ZSWIM6: variants seen among roughly 807,000 people sequenced by gnomAD.
The protein encoded by ZSWIM6 is zinc finger SWIM domain-containing protein 6.
In ZSWIM6, 9 loss-of-function variants were observed where a neutral mutation model predicts 113.2. The ratio of observed to expected loss-of-function variants is 0.08; its 90% CI spans 0.05 to 0.14. The LOEUF (loss-of-function observed/expected upper bound fraction) is 0.14, where lower values mean the gene tolerates loss of function less well. Among genes scored for constraint, ZSWIM6 ranks in the 10% least tolerant of loss-of-function variants. The probability of loss-of-function intolerance (pLI) is 1.00; values close to 1 mark genes in which losing one functional copy is unlikely to be tolerated. For synonymous variants in ZSWIM6, 611 were observed against 606.5 expected, an observed-to-expected ratio of 1.01 and a Z score of -0.11; for missense variants, 1,162 against 1,552.2, an observed-to-expected ratio of 0.75 and a Z score of 4.22.
At chr5:61,348,218 C>CA (rs1402655502) in intron 1 of ZSWIM6, among the ~76,000 whole-genome samples, 1 of 150,844 alleles carries the variant, frequency 6.6e-6, no homozygotes, top group Non-Finnish European at 1.5e-5. Flanking sequence ...GAGACTGTCT[C>CA]AAAAAAACAA....
intron 5 of ZSWIM6, among the ~76,000 whole-genome samples, chr5:61,522,534 A>G (rs1422394302): frequency 6.6e-6 from 1 of 152,196 alleles, no homozygotes; most frequent in African/African-American, 2.4e-5. Context: ...AATGATATGT[A>G]TTACTCCATA....
At chr5:61,397,241 G>A (rs866716065) in intron 1 of ZSWIM6, among the ~76,000 whole-genome samples, 4 of 152,146 alleles carry the variant, frequency 2.6e-5, no homozygotes, top group African/African-American at 9.7e-5. Context: ...GTGTAATACT[G>A]TATATATATC....
intron 1 of ZSWIM6, among the ~76,000 whole-genome samples, chr5:61,358,980 T>C (rs1744977241): frequency 6.6e-6 from 1 of 152,194 alleles, no homozygotes; most frequent in Non-Finnish European, 1.5e-5. Context: ...ATCTCTCATA[T>C]GGGGAAGCTC....
At chr5:61,455,565 AG>A (rs1349008786) in intron 1 of ZSWIM6, among the ~76,000 whole-genome samples, 3 of 152,200 alleles carry the variant, frequency 2.0e-5, no homozygotes, top group African/African-American at 7.2e-5. Context: ...GCATCTATTA[AG>A]TAAGATGTCA....
chr5:61,529,391 T>A (rs1198315428), intron 7 of ZSWIM6, among the ~76,000 whole-genome samples: 2 of 152,240 alleles, frequency 1.3e-5, no homozygotes, highest in Admixed American at 6.5e-5. Context: ...TCGTTCAAAT[T>A]ATATATAATC....
chr5:61,494,995 G>T (rs1248714180), intron 4 of ZSWIM6, among the ~76,000 whole-genome samples: 1 of 151,992 alleles, frequency 6.6e-6, no homozygotes, highest in Non-Finnish European at 1.5e-5. Flanking sequence ...AAGAATACTG[G>T]GAATTTTATT....
At chr5:61,488,930 G>C (rs981015812) in intron 2 of ZSWIM6, among the ~76,000 whole-genome samples, 1 of 151,820 alleles carries the variant, frequency 6.6e-6, no homozygotes, top group Non-Finnish European at 1.5e-5. Flanking sequence ...TTATTGTTTA[G>C]AGTATTTCTT....
intron 1 of ZSWIM6, among the ~76,000 whole-genome samples, chr5:61,463,029 A>G (rs2112170529): frequency 6.6e-6 from 1 of 152,242 alleles, no homozygotes; most frequent in Non-Finnish European, 1.5e-5. Context: ...TCATTAATTG[A>G]ATTGCTTCTA....
chr5:61,384,939 A>G (rs1745562909), intron 1 of ZSWIM6, among the ~76,000 whole-genome samples: 2 of 152,182 alleles, frequency 1.3e-5, no homozygotes, highest in African/African-American at 4.8e-5. Flanking sequence ...AGGCACCTGT[A>G]GTCCCAGCTA....
intron 4 of ZSWIM6, among the ~76,000 whole-genome samples, chr5:61,505,706 CCCTTCCTTCCTT>C (rs1227841516): frequency 4.8e-5 from 5 of 103,820 alleles, no homozygotes; most frequent in Admixed American, 2.0e-4. Context: ...CTTCCTTCCT[CCCTTCCTTCCTT>C]CCTTCCTTCC....
rs1246647289 is a variant in ZSWIM6 at position 61,538,884 on chromosome 5, C to G, written c.2452C>G (p.Pro818Ala). ...CCCACACCACATTGCATCAGTTGTT[C>G]CCAACCGCTACCCTCGCTGGTTCAC... The part of the protein sequence containing the change: ...TRPHHIASVV[P>A]NRYPRWFTLS... The change falls in exon 11 of 14, where the codon CCC (proline) becomes GCC (alanine). Residue 818 changes from proline to alanine, a missense_variant. Around this residue, in one of 4 missense-constraint regions of ZSWIM6, gnomAD observed 620 missense variants for 804.6 expected, o/e 0.77. Transcript: ENST00000252744. The G allele has an allele frequency of 1.3e-6, 2 of 1,552,308 alleles. No homozygotes were observed. The highest frequency in any genetic ancestry group is 2.0e-5 in the Admixed American group (1 of 51,014).
intron 3 of ZSWIM6, among the ~76,000 whole-genome samples, chr5:61,491,986 A>G (rs1475037520): frequency 1.3e-5 from 2 of 152,096 alleles, no homozygotes; most frequent in Non-Finnish European, 2.9e-5. Context: ...CTCTAATACT[A>G]CTTTACACAT....
intron 1 of ZSWIM6, among the ~76,000 whole-genome samples, chr5:61,417,373 C>A (rs925172079): frequency 1.3e-5 from 2 of 152,142 alleles, no homozygotes; most frequent in Admixed American, 6.5e-5. Context: ...TATTCAAGTT[C>A]AGTTTCAAAG....
chr5:61,543,367 T>A lies in ZSWIM6; in HGVS notation c.2786-88T>A, dbSNP rs917061939. Reference sequence around the variant, plus strand: ...GCTCATGTCCTATGATGGTTAACAATGTAAACACTGGTTGTAAAAGTCAAA... The same window carrying A: ...GCTCATGTCCTATGATGGTTAACAAAGTAAACACTGGTTGTAAAAGTCAAA... On this transcript the variant is annotated intron_variant, in intron 13 of 13. Coordinates refer to ENST00000252744, the MANE Select transcript of ZSWIM6 (RefSeq NM_020928.2). The surrounding 1 kb of genome is among the most constrained non-coding windows in gnomAD (Gnocchi z 4.3). The A allele has an allele frequency of 7.0e-7, 1 of 1,435,582 alleles. No homozygotes were observed. The highest frequency in any genetic ancestry group is 2.5e-5 in the East Asian group (1 of 40,042). The allele number at this position is 1,435,582 out of a possible 1,614,324, so 88.9% of individuals were successfully genotyped here.
intron 11 of ZSWIM6, among the ~76,000 whole-genome samples, chr5:61,539,226 A>G (rs1464805829): frequency 6.6e-6 from 1 of 152,230 alleles, no homozygotes; most frequent in Non-Finnish European, 1.5e-5. Context: ...ATTCAGAAGC[A>G]GATTTACAAG....
chr5:61,415,376 T>A (rs1746226029), intron 1 of ZSWIM6, among the ~76,000 whole-genome samples: 1 of 152,134 alleles, frequency 6.6e-6, no homozygotes, highest in South Asian at 2.1e-4. Flanking sequence ...GCGGATCACC[T>A]GAGGTCAGGA....
At chr5:61,447,116 A>G (rs1466677928) in intron 1 of ZSWIM6, among the ~76,000 whole-genome samples, 3 of 152,094 alleles carry the variant, frequency 2.0e-5, no homozygotes, top group Non-Finnish European at 2.9e-5. Context: ...AGCAGGCCCA[A>G]CCCTGCTTAG....
At chr5:61,374,385 G>C (rs1745325339) in intron 1 of ZSWIM6, among the ~76,000 whole-genome samples, 1 of 152,046 alleles carries the variant, frequency 6.6e-6, no homozygotes, top group African/African-American at 2.4e-5. Flanking sequence ...TTTTCATATA[G>C]CCCTTCTGTC....
At chr5:61,404,300 T>C (rs1426612876) in intron 1 of ZSWIM6, among the ~76,000 whole-genome samples, 1 of 152,250 alleles carries the variant, frequency 6.6e-6, no homozygotes, top group Non-Finnish European at 1.5e-5. Context: ...TTAAAATGAT[T>C]GCATTTTTTC....
Sources: gnomAD v4.1 joint callset for allele counts (sites outside exome capture counted in the v4.1 genomes callset) on GRCh38, gnomAD v4.1.1 for gene constraint, gnomAD v4.1.1 regional missense constraint, Gnocchi (gnomAD v3.1) non-coding constraint, MANE v1.5 for transcripts, NCBI Gene and HGNC (gene_info 2026-07-23, HGNC 2026-07-21) for gene names.